TMEM132D: variants seen among roughly 807,000 people sequenced by gnomAD.
The protein encoded by TMEM132D is transmembrane protein 132D.
TMEM132D carries 21 observed loss-of-function variants against 62.3 expected under a neutral mutation model. The ratio of observed to expected loss-of-function variants is 0.34; its 90% confidence interval spans 0.24 to 0.49. The LOEUF (loss-of-function observed/expected upper bound fraction) is 0.49. Among genes scored for constraint, TMEM132D ranks in the 20% least tolerant of loss-of-function variants. The probability of loss-of-function intolerance (pLI) is 0.99; values close to 1 mark genes in which losing one functional copy is unlikely to be tolerated. For missense variants in TMEM132D, 1,346 were observed against 1,402.8 expected (o/e 0.96, Z 0.65); for synonymous variants, 621 against 575.6 (o/e 1.08, Z -1.13).
chr12:129,129,501 T>C (rs1341356105), intron 5 of TMEM132D, among the ~76,000 whole-genome samples: 1 of 152,238 alleles, frequency 6.6e-6, no homozygotes, highest in Non-Finnish European at 1.5e-5. Flanking sequence ...TTCAGATATA[T>C]GCCCAGTGAT....
At chr12:129,660,128 C>T (rs1880197996) in intron 2 of TMEM132D, among the ~76,000 whole-genome samples, 1 of 151,798 alleles carries the variant, frequency 6.6e-6, no homozygotes, top group African/African-American at 2.4e-5. Context: ...GAGATTAAGG[C>T]CAGGAGATGG....
intron 1 of TMEM132D, among the ~76,000 whole-genome samples, chr12:129,722,984 C>T (rs954154942): frequency 1.3e-5 from 2 of 151,968 alleles, no homozygotes; most frequent in East Asian, 1.9e-4. Context: ...TCAAGTGATC[C>T]GCCCACCTCA....
intron 5 of TMEM132D, among the ~76,000 whole-genome samples, chr12:129,197,476 C>T (rs982955895): frequency 5.3e-5 from 8 of 152,136 alleles, no homozygotes; most frequent in Admixed American, 5.2e-4. Context: ...AACAGAGAGC[C>T]TAGAAATGAA....
At chr12:129,671,438 C>T (rs141825386) in intron 2 of TMEM132D, among the ~76,000 whole-genome samples, 1 of 152,242 alleles carries the variant, frequency 6.6e-6, no homozygotes, top group Non-Finnish European at 1.5e-5. Context: ...GCACCCTAAC[C>T]AGGGAAGGTT....
At chr12:129,527,222 T>C (rs1876074240) in intron 3 of TMEM132D, among the ~76,000 whole-genome samples, 1 of 152,056 alleles carries the variant, frequency 6.6e-6, no homozygotes, top group Non-Finnish European at 1.5e-5. Context: ...GGCAGAAGAA[T>C]TGCTTGAACC....
At chr12:129,318,882 C>T (rs994255986) in intron 4 of TMEM132D, among the ~76,000 whole-genome samples, 2 of 152,062 alleles carry the variant, frequency 1.3e-5, no homozygotes, top group Admixed American at 6.5e-5. Flanking sequence ...TGCTGAGTCA[C>T]GTAGGTTGTC....
intron 4 of TMEM132D, among the ~76,000 whole-genome samples, chr12:129,263,307 G>A (rs1880600213): frequency 6.6e-6 from 1 of 152,032 alleles, no homozygotes. Context: ...TTTTGGTTTT[G>A]TTTTCTGGTA....
intron 3 of TMEM132D, among the ~76,000 whole-genome samples, chr12:129,413,383 TGAGA>T (rs1872026203): frequency 6.6e-6 from 1 of 152,218 alleles, no homozygotes; most frequent in African/African-American, 2.4e-5. Context: ...GCTATGATTG[TGAGA>T]CCTCCCCAGC....
At chr12:129,420,314 T>TTTTTTG (rs1566063093) in intron 3 of TMEM132D, among the ~76,000 whole-genome samples, 13 of 55,216 alleles carry the variant, frequency 2.4e-4, no homozygotes, top group African/African-American at 7.4e-4. Context: ...CTGTTTTTTT[T>TTTTTTG]TTTTTTTTTT....
intron 1 of TMEM132D, among the ~76,000 whole-genome samples, chr12:129,841,158 T>C (rs1314489104): frequency 2.6e-5 from 4 of 152,186 alleles, no homozygotes; most frequent in Non-Finnish European, 5.9e-5. Context: ...CCTGTGTATA[T>C]ACATAATTCT....
intron 5 of TMEM132D, among the ~76,000 whole-genome samples, chr12:129,168,497 C>T (rs989848007): frequency 6.6e-6 from 1 of 152,162 alleles, no homozygotes; most frequent in African/African-American, 2.4e-5. Context: ...CTATTCTAGA[C>T]ATGTCATATA....
chr12:129,854,450 G>T (rs1437021931), intron 1 of TMEM132D: 1 of 152,242 alleles, frequency 6.6e-6, no homozygotes, highest in Non-Finnish European at 1.5e-5. Flanking sequence ...TGATCGCCAA[G>T]TGGGGCAAGA....
At chr12:129,516,585 GA>G (rs1875689954) in intron 3 of TMEM132D, among the ~76,000 whole-genome samples, 1 of 152,144 alleles carries the variant, frequency 6.6e-6, no homozygotes, top group African/African-American at 2.4e-5. Flanking sequence ...CAGTATGGAG[GA>G]AACTGCCCCC....
At chr12:129,318,033 C>G (rs1232777883) in intron 4 of TMEM132D, among the ~76,000 whole-genome samples, 4 of 152,056 alleles carry the variant, frequency 2.6e-5, no homozygotes, top group Non-Finnish European at 1.5e-5. Flanking sequence ...TTGAATATTT[C>G]TCCCTTCACT....
intron 1 of TMEM132D, among the ~76,000 whole-genome samples, chr12:129,788,859 C>T (rs11610742): frequency 0.11 from 16,988 of 151,940 alleles, 1,206 homozygotes; most frequent in East Asian, 0.2. Context: ...CCCAGTTAGA[C>T]GGAAGAGCCC....
At chr12:129,432,052 C>T (rs1012432965) in intron 3 of TMEM132D, among the ~76,000 whole-genome samples, 1 of 152,236 alleles carries the variant, frequency 6.6e-6, no homozygotes. Flanking sequence ...ATATCATCAC[C>T]TTGCTGTACC....
intron 1 of TMEM132D, among the ~76,000 whole-genome samples, chr12:129,884,397 T>C (rs1874691499): frequency 1.3e-5 from 2 of 152,170 alleles, no homozygotes; most frequent in Admixed American, 1.3e-4. Flanking sequence ...CAAACAATTC[T>C]CAAAACTGAA....
chr12:129,294,999 G>GT (rs1207563742), intron 4 of TMEM132D, among the ~76,000 whole-genome samples: 2 of 152,118 alleles, frequency 1.3e-5, no homozygotes, highest in African/African-American at 2.4e-5. Flanking sequence ...CTGTTAGGGT[G>GT]TTTTTTTGAT....
intron 1 of TMEM132D, among the ~76,000 whole-genome samples, chr12:129,883,927 C>T (rs1874679528): frequency 6.6e-6 from 1 of 152,130 alleles, no homozygotes; most frequent in Admixed American, 6.6e-5. Context: ...GCAATAAAAT[C>T]TGTAACAGTG....
Sources: gnomAD v4.1 joint callset for allele counts (sites outside exome capture counted in the v4.1 genomes callset) on GRCh38, gnomAD v4.1.1 for gene constraint, MANE v1.5 for transcripts, NCBI Gene and HGNC (gene_info 2026-07-23, HGNC 2026-07-21) for gene names.